FGFR1: variants seen among roughly 807,000 people sequenced by gnomAD.
FGFR1 encodes fibroblast growth factor receptor 1, also known as FGFR1/PLAG1 fusion.
FGFR1 carries 18 observed loss-of-function variants against 93.7 expected under a neutral mutation model. The ratio of observed to expected loss-of-function variants is 0.19; its 90% CI spans 0.13 to 0.28. The LOEUF is 0.28. Ranked by LOEUF, FGFR1 falls within the 10% of genes least tolerant of loss-of-function variation. FGFR1 has a pLI of 1.00. For missense variants in FGFR1, 731 were observed against 1,080.4 expected (o/e 0.68, Z 4.53); for synonymous variants, 448 against 429.3 (o/e 1.04, Z -0.54).
chr8:38,427,047 C>T (rs1821019801), intron 5 of FGFR1, among the ~76,000 whole-genome samples: 1 of 150,504 alleles, frequency 6.6e-6, no homozygotes. Flanking sequence ...GTGGAGCTTG[C>T]AGTGAGCCAA....
chr8:38,419,606 T>C lies in FGFR1; in HGVS notation c.1211A>G (p.Lys404Arg), dbSNP rs2150708204. The part of the protein sequence containing the change: ...VIVYKMKSGT[K>R]KSDFHSQMAV... ...CATCTGGCTGTGGAAGTCACTCTTC[T>C]TGGTACCACTCTTCATCTTGTAGAC... is the stretch of plus-strand genomic sequence containing the variant. Residue 404 changes from lysine to arginine, a missense_variant, in exon 9 of 18, where the codon AAG becomes AGG. By Grantham distance (26) the Lys-to-Arg change is conservative (BLOSUM62 2). This residue lies in a region of FGFR1 where 146 missense variants were observed against 173.0 expected (regional missense o/e 0.84). Transcript: ENST00000447712. 1 of 1,614,132 alleles carries C rather than the reference T, an allele frequency of 6.2e-7. No homozygotes were observed. The highest frequency in any genetic ancestry group is 8.5e-7 in the Non-Finnish European group (1 of 1,180,024).
At chr8:38,430,096 G>A (rs1822428707) in intron 2 of FGFR1, 148 bp from the exon 3 acceptor site, 2 of 786,934 alleles carry the variant, frequency 2.5e-6, no homozygotes, top group Admixed American at 5.6e-5. Flanking sequence ...ACTGAGCCAG[G>A]GCAGTGGGAA....
At chr8:38,419,495 G>A in intron 9 of FGFR1, 38 bp downstream of exon 9, 1 of 1,562,580 alleles carries the variant, frequency 6.4e-7, no homozygotes, top group Middle Eastern at 1.7e-4. Context: ...CCCAGAGAGA[G>A]AGGTGGTGCT....
intron 1 of FGFR1, among the ~76,000 whole-genome samples, chr8:38,460,752 C>T (rs951248306): frequency 2.2e-4 from 34 of 152,190 alleles, no homozygotes; most frequent in African/African-American, 6.8e-4. Flanking sequence ...CCATGCCACC[C>T]GCCTGCAAAA....
At chr8:38,440,099 G>A (rs902437975) in intron 2 of FGFR1, among the ~76,000 whole-genome samples, 2 of 152,036 alleles carry the variant, frequency 1.3e-5, no homozygotes, top group African/African-American at 4.8e-5. Flanking sequence ...AGCAACATGG[G>A]GGAAACTGGT....
intron 1 of FGFR1, among the ~76,000 whole-genome samples, chr8:38,461,591 G>A (rs1436404507): frequency 6.6e-6 from 1 of 152,182 alleles, no homozygotes; most frequent in Non-Finnish European, 1.5e-5. Context: ...TTACAGGCAT[G>A]AGCCACCACA....
intron 2 of FGFR1, among the ~76,000 whole-genome samples, chr8:38,453,148 G>A (rs909229022): frequency 1.4e-4 from 21 of 152,292 alleles, no homozygotes; most frequent in Non-Finnish European, 2.8e-4. Flanking sequence ...CTGTCACAAA[G>A]CTCATGAGAG....
intron 8 of FGFR1, among the ~76,000 whole-genome samples, chr8:38,421,211 C>A (rs17182373): frequency 6.6e-6 from 1 of 152,158 alleles, no homozygotes; most frequent in Non-Finnish European, 1.5e-5. Context: ...AGAGGAGAGA[C>A]GGCAGCAGGC....
intron 2 of FGFR1, among the ~76,000 whole-genome samples, chr8:38,433,516 G>A (rs1824075568): frequency 6.6e-6 from 1 of 152,134 alleles, no homozygotes; most frequent in African/African-American, 2.4e-5. Flanking sequence ...CACCATGTTA[G>A]CCAGGCTGTC....
chr8:38,422,135 G>T, intron 7 of FGFR1, 194 bp from the exon 8 acceptor site: 1 of 637,942 alleles, frequency 1.6e-6, no homozygotes, highest in Non-Finnish European at 2.8e-6. Flanking sequence ...GACCCTGAGG[G>T]AAGAACTCCG....
chr8:38,422,291 A>C, intron 7 of FGFR1: 3 of 458,418 alleles, frequency 6.5e-6, no homozygotes, highest in South Asian at 6.3e-5. Flanking sequence ...GATAGCCAGA[A>C]GGTGAACACA....
intron 1 of FGFR1, chr8:38,466,515 G>A (rs2151487457): frequency 4.3e-6 from 1 of 231,132 alleles, no homozygotes; most frequent in Non-Finnish European, 8.6e-6. Flanking sequence ...GCGCAATCCA[G>A]AAAGCACCCG....
intron 2 of FGFR1, among the ~76,000 whole-genome samples, chr8:38,435,932 A>G (rs1019258839): frequency 1.3e-5 from 2 of 152,238 alleles, no homozygotes; most frequent in Non-Finnish European, 2.9e-5. Context: ...AGCAGCACCA[A>G]AACACTTGCT....
At position 38,413,531 on chromosome 8, in the gene FGFR1, G is replaced by T; in HGVS notation, c.*97C>A. 1 of 1,391,216 alleles carries T rather than the reference G, an allele frequency of 7.2e-7. No individual in the cohort carries two copies. The highest frequency in any genetic ancestry group is 1.4e-5 in the South Asian group (1 of 71,332). 86.2% of individuals were successfully genotyped at this position (1,391,216 alleles called of 1,614,324 possible). On this transcript the variant is annotated 3_prime_UTR_variant, in exon 18 of 18. Coordinates refer to ENST00000447712, the MANE Select transcript of FGFR1 (RefSeq NM_023110.3). This position sits in a 1 kb window ranked among gnomAD's most constrained non-coding sequence, Gnocchi z 4.2. ...GTAGGCAGCCGGCTCCTGCCAGCAG[G>T]AAAGGGGACAGGGACGGACAGGTGG...
chr8:38,418,068 C>G (rs1358344748), intron 10 of FGFR1, 77 bp from the exon 11 acceptor site: 2 of 1,610,990 alleles, frequency 1.2e-6, no homozygotes, highest in African/African-American at 2.7e-5. Flanking sequence ...ATCTCCACCT[C>G]TCTGTATTTC....
rs1181335313 is a variant in FGFR1 at position 38,424,461 on chromosome 8, G to T, written c.936+48C>A. 2 of 1,606,358 alleles carry T rather than the reference G, an allele frequency of 1.2e-6. No homozygotes were observed. ...CAGGAACTTGAGCCCCCGAGACAGT[G>T]GTCTCCTTCCCAGTAGACTGGCCCA... On this transcript the variant is annotated intron_variant, in intron 7 of 17. Transcript: ENST00000447712. This position sits in a 1 kb window ranked among gnomAD's most constrained non-coding sequence, Gnocchi z 4.3.
chr8:38,449,331 T>G lies in FGFR1; in HGVS notation c.91+8025A>C, dbSNP rs975399704. On this transcript the variant is annotated intron_variant, in intron 2 of 17. Transcript: ENST00000447712. ...CTAGGATAAAACAATGTATAAAGTA[T>G]ACATTGTATTTACGGAAAAAGGAAG... 2.6e-5 allele frequency among the ~76,000 whole-genome samples: 4 copies of G among 151,960 alleles called. No individual in the cohort carries two copies. In the East Asian group the frequency reaches 7.7e-4, roughly 29 times the overall value.
At chr8:38,428,798 T>C (rs1414484345) in intron 3 of FGFR1, 9 of 363,332 alleles carry the variant, frequency 2.5e-5, no homozygotes, top group Admixed American at 1.2e-4. Context: ...CGGCTGACTA[T>C]AGGGAAACCC....
chr8:38,450,171 G>A (rs1830585760), intron 2 of FGFR1, among the ~76,000 whole-genome samples: 17 of 152,208 alleles, frequency 1.1e-4, no homozygotes, highest in Admixed American at 1.1e-3. Flanking sequence ...TTAGGGTGCA[G>A]TGGGGCTGGG....
Sources: gnomAD v4.1 joint callset for allele counts (sites outside exome capture counted in the v4.1 genomes callset) on GRCh38, gnomAD v4.1.1 for gene constraint, gnomAD v4.1.1 regional missense constraint, Gnocchi (gnomAD v3.1) non-coding constraint, MANE v1.5 for transcripts, NCBI Gene and HGNC (gene_info 2026-07-23, HGNC 2026-07-21) for gene names.